VPS33A: variants seen among roughly 807,000 people sequenced by gnomAD.
VPS33A encodes the protein VPS33A core subunit of CORVET and HOPS complexes, also known as vacuolar protein sorting-associated protein 33A.
A neutral mutation model predicts 71.8 loss-of-function variants in VPS33A; 32 were observed. That is an observed-to-expected ratio of 0.45 (90% confidence interval 0.34 to 0.60). The LOEUF (loss-of-function observed/expected upper bound fraction) is 0.60, where lower values mean the gene tolerates loss of function less well. VPS33A is among the 20% of genes least tolerant of loss of function. The probability of loss-of-function intolerance (pLI) is 0.02; values close to 1 mark genes in which losing one functional copy is unlikely to be tolerated. For synonymous variants in VPS33A, 311 were observed against 292.7 expected (o/e 1.06, Z -0.64); for missense variants, 625 against 748.5 (o/e 0.84, Z 1.92).
intron 10 of VPS33A, 38 bp downstream of exon 10, chr12:122,238,549 T>C: frequency 6.3e-7 from 1 of 1,587,168 alleles, no homozygotes; most frequent in Non-Finnish European, 8.6e-7. Context: ...AAAGATGCTG[T>C]CCCCCTTGGC....
chr12:122,264,673 G>A (rs1276439551), intron 1 of VPS33A: 1 of 152,418 alleles, frequency 6.6e-6, no homozygotes, highest in Non-Finnish European at 1.5e-5. Context: ...TTACAAGCAT[G>A]AGCCACTGCA....
chr12:122,242,241 TC>T lies in VPS33A; in HGVS notation c.1096+140del, dbSNP rs1954724352. On this transcript the variant is annotated intron_variant, in intron 8 of 12. Coordinates refer to ENST00000267199, the MANE Select transcript of VPS33A (RefSeq NM_022916.6). ...CCTTAACTATTAACATATGTATACTTCATTAACACTGAGAAGAACACGTGGT... is the reference window on the plus strand; with the variant it reads ...CCTTAACTATTAACATATGTATACTTATTAACACTGAGAAGAACACGTGGT... The T allele has an allele frequency of 2.8e-6, 3 of 1,062,914 alleles. No homozygotes were observed. In the East Asian group the frequency reaches 7.4e-5, roughly 26 times the overall value. The allele number at this position is 1,062,914 out of a possible 1,614,324, so 65.8% of individuals were successfully genotyped here.
intron 6 of VPS33A, among the ~76,000 whole-genome samples, chr12:122,247,114 T>C (rs958616613): frequency 1.3e-5 from 2 of 152,222 alleles, no homozygotes; most frequent in Non-Finnish European, 2.9e-5. Flanking sequence ...CACAGGGCTG[T>C]TGGGGTAAGG....
At position 122,238,590 on chromosome 12, in the gene VPS33A, G is replaced by A; in HGVS notation, c.1299C>T (p.Leu433=). Residue 433 remains leucine, a synonymous_variant, in exon 10 of 13, where the codon CTC becomes CTT. Coordinates refer to ENST00000267199, the MANE Select transcript of VPS33A (RefSeq NM_022916.6). The part of the protein sequence containing the change: ...KVLDYYKREI[L]QTYGYEHILT... Reference sequence around the variant, plus strand: ...AATAATTTAAAAATATACTCACCTGGAGAATCTCTCTTTTGTAATAATCCA... The same window carrying A: ...AATAATTTAAAAATATACTCACCTGAAGAATCTCTCTTTTGTAATAATCCA... The A allele has an allele frequency of 6.2e-7, 1 of 1,604,368 alleles. No homozygotes were observed. Among genetic ancestry groups the A allele is most frequent in the South Asian group, 1.1e-5 (1 of 89,816 alleles).
In VPS33A at chr12:122,255,942, G is replaced by C. The variant is rs1170785602; in HGVS notation, c.484-4843C>G. On this transcript the variant is annotated intron_variant, in intron 4 of 12. Coordinates refer to ENST00000267199, the MANE Select transcript of VPS33A (RefSeq NM_022916.6). ...CCTCAGCCTCCTGAGTTACTGGAAT[G>C]ACAGGTGCACATCACCACGTGTGGC... is the stretch of plus-strand genomic sequence containing the variant. 7.2e-4 allele frequency among the ~76,000 whole-genome samples: 109 copies of C among 151,800 alleles called. 1 individual carries two copies. The highest frequency in any genetic ancestry group is 2.5e-3 in the African/African-American group (104 of 41,172).
At chr12:122,254,934 C>A (rs2136143670) in intron 4 of VPS33A, among the ~76,000 whole-genome samples, 1 of 151,966 alleles carries the variant, frequency 6.6e-6, no homozygotes, top group Admixed American at 6.5e-5. Flanking sequence ...GCCTGTAGTC[C>A]CAGCTACTCA....
At chr12:122,261,629 G>A (rs1954996685) in intron 3 of VPS33A, among the ~76,000 whole-genome samples, 182 bp from the exon 4 acceptor site, 1 of 152,180 alleles carries the variant, frequency 6.6e-6, no homozygotes. Context: ...AGCACTTTGG[G>A]AGGCCAAGGC....
rs137895749 is a variant in VPS33A at position 122,238,958 on chromosome 12, C to CCA, written c.1165-236_1165-235dup. ...CCCAGCCACACACACACCCTGGCCACCACACACACACACACACCCCACACA... is the reference window on the plus strand; with the variant it reads ...CCCAGCCACACACACACCCTGGCCACCACACACACACACACACACCCCACACA... On this transcript the variant is annotated intron_variant, in intron 9 of 12. Coordinates refer to ENST00000267199, the MANE Select transcript of VPS33A (RefSeq NM_022916.6). Among the ~76,000 whole-genome samples the CCA allele has an allele frequency of 1.0e-3, 149 of 143,992 alleles. 2 individuals are homozygous for CCA. Among genetic ancestry groups the CCA allele is most frequent in the African/African-American group, 8.5e-4 (33 of 38,910 alleles). The allele number at this position is 143,992 out of a possible 152,430, so 94.5% of individuals were successfully genotyped here.
At chr12:122,236,968 T>TATAC (rs1954636370) in intron 10 of VPS33A, among the ~76,000 whole-genome samples, 1 of 152,214 alleles carries the variant, frequency 6.6e-6, no homozygotes. Flanking sequence ...AACTGGGGTA[T>TATAC]GAGCAAGGTA....
chr12:122,238,770 TACACAC>T lies in VPS33A; in HGVS notation c.1165-52_1165-47del, dbSNP rs57522920. 186,967 of 870,872 alleles carry T rather than the reference TACACAC, an allele frequency of 0.21. 10,820 individuals carry two copies. The highest frequency in any genetic ancestry group is 0.42 in the East Asian group (15,073 of 36,210). 53.9% of individuals were successfully genotyped at this position (870,872 alleles called of 1,614,324 possible). ...ATATACATATACATTTACATATACA[TACACAC>T]ACACACACACACACACACACACACA... On this transcript the variant is annotated intron_variant, in intron 9 of 12. Transcript: ENST00000267199.
chr12:122,249,798 T>C, intron 6 of VPS33A, 73 bp downstream of exon 6: 1 of 1,406,062 alleles, frequency 7.1e-7, no homozygotes, highest in South Asian at 1.4e-5. Flanking sequence ...GTGTGCAATA[T>C]ACAAACAGTA....
At position 122,229,852 on chromosome 12, in the gene VPS33A, CCTAA is replaced by C. The variant is rs1458584399; in HGVS notation, c.*2390_*2393del. The C allele has an allele frequency of 6.6e-6, 1 of 152,106 alleles. No homozygotes were observed. The highest frequency in any genetic ancestry group is 6.5e-5 in the Admixed American group (1 of 15,270). 9.4% of individuals were successfully genotyped at this position (152,106 alleles called of 1,614,324 possible). A position where few individuals can be genotyped will look rare whatever the true frequency, so the allele number is the denominator to read the frequency against. On this transcript the variant is annotated 3_prime_UTR_variant, in exon 13 of 13. Coordinates refer to ENST00000267199, the MANE Select transcript of VPS33A (RefSeq NM_022916.6). ...TGCTGAATGCATTTTTAGGAGCTGC[CCTAA>C]CTATGCTCTGAGCAAGCAAGTATAT...
At chr12:122,260,715 G>A (rs1182149074) in intron 4 of VPS33A, among the ~76,000 whole-genome samples, 1 of 152,330 alleles carries the variant, frequency 6.6e-6, no homozygotes, top group Admixed American at 6.5e-5. Context: ...GCCAGGCGCG[G>A]TGGCTCACGC....
At chr12:122,256,466 C>T (rs1419452397) in intron 4 of VPS33A, among the ~76,000 whole-genome samples, 1 of 151,794 alleles carries the variant, frequency 6.6e-6, no homozygotes, top group Non-Finnish European at 1.5e-5. Context: ...CCCAGCTACT[C>T]GGATAGCTAA....
chr12:122,264,149 C>T lies in VPS33A; in HGVS notation c.153G>A (p.Gln51=). The change falls in exon 2 of 13, where the codon CAG becomes CAA. Residue 51 remains glutamine (Q), a synonymous_variant. Coordinates refer to ENST00000267199, the MANE Select transcript of VPS33A (RefSeq NM_022916.6). Reference sequence around the variant, plus strand: ...GCTCATTTACCTTCAATAGTGAATACTGTGCAATCAGGCCAAAGGGTCCAG... The same window carrying T: ...GCTCATTTACCTTCAATAGTGAATATTGTGCAATCAGGCCAAAGGGTCCAG... ...YLTGPFGLIA[Q]YSLLKEHEVE... 1.3e-6 allele frequency: 2 copies of T among 1,562,324 alleles called. No individual in the cohort carries two copies. Among genetic ancestry groups the T allele is most frequent in the Non-Finnish European group, 1.7e-6 (2 of 1,145,158 alleles).
At chr12:122,264,800 C>G (rs1398205540) in intron 1 of VPS33A, 1 of 152,148 alleles carries the variant, frequency 6.6e-6, no homozygotes, top group Non-Finnish European at 1.5e-5. Flanking sequence ...GAGTTAATCA[C>G]TGTCCTGAAC....
At chr12:122,249,721 A>G in intron 6 of VPS33A, 150 bp downstream of exon 6, 1 of 705,070 alleles carries the variant, frequency 1.4e-6, no homozygotes, top group Non-Finnish European at 2.1e-6. Flanking sequence ...ATTGCTTACA[A>G]AAAGGTCTGT....
At chr12:122,246,282 C>T (rs2136134035) in intron 6 of VPS33A, among the ~76,000 whole-genome samples, 2 of 146,070 alleles carry the variant, frequency 1.4e-5, no homozygotes, top group South Asian at 4.3e-4. Flanking sequence ...ATCTCTCTCT[C>T]TCTCTTATTT....
At chr12:122,254,113 C>T (rs1227626233) in intron 4 of VPS33A, among the ~76,000 whole-genome samples, 4 of 152,096 alleles carry the variant, frequency 2.6e-5, no homozygotes, top group Non-Finnish European at 5.9e-5. Flanking sequence ...CGCGTAAAGG[C>T]CACAGTACCT....
Sources: gnomAD v4.1 joint callset for allele counts (sites outside exome capture counted in the v4.1 genomes callset) on GRCh38, gnomAD v4.1.1 for gene constraint, MANE v1.5 for transcripts, NCBI Gene and HGNC (gene_info 2026-07-23, HGNC 2026-07-21) for gene names.